The following NLGN1 variants were observed in gnomAD, a reference collection of about 807,000 sequenced individuals.
The protein encoded by NLGN1 is neuroligin-1.
Under a neutral mutation model 65.5 loss-of-function variants are expected in NLGN1, and 12 were observed. That is an observed-to-expected ratio of 0.18 (90% confidence interval 0.12 to 0.30). The LOEUF is 0.30. Ranked by LOEUF, NLGN1 falls within the 10% of genes least tolerant of loss-of-function variation. The pLI, the probability that NLGN1 is intolerant of heterozygous loss-of-function variation, is 1.00. For missense variants in NLGN1, 750 were observed against 1,007.1 expected (o/e 0.74, Z 3.46); for synonymous variants, 350 against 359.5 (o/e 0.97, Z 0.30).
At chr3:174,063,460 ACTT>A (rs1737832555) in intron 4 of NLGN1, among the ~76,000 whole-genome samples, 1 of 152,102 alleles carries the variant, frequency 6.6e-6, no homozygotes. Context: ...GAAGAGATAA[ACTT>A]CTTTTATTTT....
chr3:174,259,570 A>G (rs1232815387), intron 4 of NLGN1, among the ~76,000 whole-genome samples: 1 of 152,134 alleles, frequency 6.6e-6, no homozygotes, highest in South Asian at 2.1e-4. Context: ...CATCATCATC[A>G]TAGTATTTTG....
Position 173,881,182 on chromosome 3 carries a change from G to T in NLGN1, c.646+73350G>T, listed in dbSNP as rs555146716. On this transcript the variant is annotated intron_variant, in intron 4 of 6. Transcript: ENST00000457714. ...GGTGCGATCTCAGCTCACTGCAACT[G>T]CCGCCTCCTGGGTTCAGGCGATTCT... 7.6e-4 allele frequency among the ~76,000 whole-genome samples: 106 copies of T among 140,272 alleles called. No individual in the cohort carries two copies. In the Middle Eastern group the frequency reaches 0.021, roughly 28 times the overall value. The allele number at this position is 140,272 out of a possible 152,430, so 92.0% of individuals were successfully genotyped here.
rs574626052 is a variant in NLGN1 at position 173,581,461 on chromosome 3, G to A, written c.-320-22818G>A. Among the ~76,000 whole-genome samples, 6 of 152,074 alleles carry A rather than the reference G, an allele frequency of 3.9e-5. No individual in the cohort carries two copies. In the South Asian group the frequency reaches 1.2e-3, roughly 32 times the overall value. ...TGGTCAGACTGAACATGATCAATCAGTTGATTGACTGTTTCACAATTTCAG... is the reference window on the plus strand; with the variant it reads ...TGGTCAGACTGAACATGATCAATCAATTGATTGACTGTTTCACAATTTCAG... On this transcript the variant is annotated intron_variant, in intron 2 of 6. Transcript: ENST00000457714.
chr3:174,011,770 T>C (rs114847737), intron 4 of NLGN1, among the ~76,000 whole-genome samples: 222 of 152,288 alleles, frequency 1.5e-3, no homozygotes, highest in African/African-American at 5.1e-3. Flanking sequence ...TATTCAATAA[T>C]ATTTATAGAA....
chr3:174,226,183 T>C (rs929468611), intron 4 of NLGN1, among the ~76,000 whole-genome samples: 8 of 152,152 alleles, frequency 5.3e-5, no homozygotes, highest in Non-Finnish European at 2.9e-5. Flanking sequence ...GGAAGTTCTT[T>C]ATGAGCACAG....
intron 3 of NLGN1, among the ~76,000 whole-genome samples, chr3:173,765,593 A>G (rs555661581): frequency 1.2e-4 from 18 of 152,106 alleles, no homozygotes; most frequent in Non-Finnish European, 2.2e-4. Flanking sequence ...CCCCTACAGA[A>G]TGTTATACAC....
intron 4 of NLGN1, among the ~76,000 whole-genome samples, chr3:174,177,049 A>T (rs750426263): frequency 2.0e-5 from 3 of 149,676 alleles, no homozygotes; most frequent in Non-Finnish European, 4.5e-5. Flanking sequence ...TAAGGCTATC[A>T]TAAAACTAAG....
intron 4 of NLGN1, among the ~76,000 whole-genome samples, chr3:174,000,637 T>G (rs1331819599): frequency 6.6e-6 from 1 of 152,204 alleles, no homozygotes; most frequent in African/African-American, 2.4e-5. Flanking sequence ...GCATCTTGTG[T>G]AATGTGAAAT....
chr3:174,263,882 G>T (rs1300922727), intron 4 of NLGN1, among the ~76,000 whole-genome samples: 1 of 150,372 alleles, frequency 6.7e-6, no homozygotes, highest in African/African-American at 2.4e-5. Flanking sequence ...AGGCCTGGTG[G>T]TGACAAAATC....
chr3:173,643,369 T>G (rs1227902367), intron 3 of NLGN1, among the ~76,000 whole-genome samples: 1 of 152,090 alleles, frequency 6.6e-6, no homozygotes, highest in Non-Finnish European at 1.5e-5. Context: ...AATGACAACA[T>G]GCACATCATA....
At chr3:174,226,750 A>T (rs997434503) in intron 4 of NLGN1, among the ~76,000 whole-genome samples, 4 of 152,132 alleles carry the variant, frequency 2.6e-5, no homozygotes. Context: ...AATAACACTA[A>T]ATTTTTTTTA....
chr3:173,867,813 A>C (rs1281909292), intron 4 of NLGN1, among the ~76,000 whole-genome samples: 1 of 152,118 alleles, frequency 6.6e-6, no homozygotes, highest in Non-Finnish European at 1.5e-5. Context: ...GGGAAGTTTA[A>C]AATCTACCTA....
chr3:173,801,091 A>G (rs967464115), intron 3 of NLGN1, among the ~76,000 whole-genome samples: 4 of 152,012 alleles, frequency 2.6e-5, no homozygotes, highest in Non-Finnish European at 5.9e-5. Context: ...AGATTGTCAA[A>G]TAAAATATTC....
At chr3:173,626,987 A>T (rs749891437) in intron 3 of NLGN1, among the ~76,000 whole-genome samples, 21 of 152,210 alleles carry the variant, frequency 1.4e-4, no homozygotes, top group Middle Eastern at 6.8e-3. Flanking sequence ...CACTCCTTGA[A>T]AGTCACTGAC....
chr3:173,786,958 T>A (rs1415696427), intron 3 of NLGN1, among the ~76,000 whole-genome samples: 1 of 151,858 alleles, frequency 6.6e-6, no homozygotes, highest in African/African-American at 2.4e-5. Context: ...GCACCTGTAA[T>A]CCCAGCTACT....
intron 4 of NLGN1, among the ~76,000 whole-genome samples, chr3:174,188,110 T>C (rs1731752149): frequency 1.3e-5 from 2 of 151,890 alleles, no homozygotes; most frequent in Admixed American, 6.6e-5. Context: ...TATCAAAGAG[T>C]GTAGCGCTTC....
At chr3:173,545,506 G>A (rs964037012) in intron 2 of NLGN1, among the ~76,000 whole-genome samples, 1 of 152,196 alleles carries the variant, frequency 6.6e-6, no homozygotes, top group Admixed American at 6.5e-5. Flanking sequence ...TTTGTCAGGA[G>A]AGAATGTAGA....
At chr3:173,599,728 C>T (rs1750114163) in intron 2 of NLGN1, among the ~76,000 whole-genome samples, 1 of 152,132 alleles carries the variant, frequency 6.6e-6, no homozygotes, top group Non-Finnish European at 1.5e-5. Context: ...CTAGTTAGTA[C>T]AGTTGATCTT....
chr3:174,292,947 A>G, the NLGN1 span, among the ~76,000 whole-genome samples: 2 of 151,520 alleles, frequency 1.3e-5, no homozygotes, highest in Non-Finnish European at 3.0e-5. Context: ...ATGTTAAATT[A>G]TACCATGGAT....
Sources: allele counts gnomAD v4.1 joint callset (sites outside exome capture counted in the v4.1 genomes callset), GRCh38; gene constraint gnomAD v4.1.1; transcripts MANE v1.5; gene names NCBI Gene and HGNC (gene_info 2026-07-23, HGNC 2026-07-21).